Variants in SUPT3H observed in about 807,000 individuals in gnomAD.
SUPT3H encodes the protein SPT3 homolog, SAGA and STAGA complex component.
In SUPT3H, 44 loss-of-function variants were observed where a neutral mutation model predicts 44.3. The ratio of observed to expected loss-of-function variants is 0.99; its 90% CI spans 0.78 to 1.28. The LOEUF (loss-of-function observed/expected upper bound fraction) is 1.28, where lower values mean the gene tolerates loss of function less well. Ranked by LOEUF, SUPT3H falls within the 50% of genes most tolerant of loss-of-function variation. The pLI is 0.00. For synonymous variants in SUPT3H, 124 were observed against 125.6 expected (o/e 0.99, Z 0.09); for missense variants, 380 against 387.1 (o/e 0.98, Z 0.15).
At chr6:45,131,839 G>A (rs553370282) in intron 2 of SUPT3H, among the ~76,000 whole-genome samples, 44 of 152,262 alleles carry the variant, frequency 2.9e-4, no homozygotes, top group African/African-American at 8.4e-4. Context: ...ATTCAGGCTG[G>A]TTGGAACAAT....
At chr6:45,102,462 C>T (rs1251761165) in intron 3 of SUPT3H, among the ~76,000 whole-genome samples, 6 of 151,994 alleles carry the variant, frequency 3.9e-5, no homozygotes, top group African/African-American at 9.7e-5. Context: ...ACAAAACCAA[C>T]AAAAAGTCTT....
chr6:45,133,817 A>G (rs996613940), intron 2 of SUPT3H, among the ~76,000 whole-genome samples: 3 of 152,186 alleles, frequency 2.0e-5, no homozygotes, highest in African/African-American at 7.2e-5. Flanking sequence ...TAAAGTGGCA[A>G]TATTAGTGGC....
chr6:44,852,823 G>A (rs1773105148), intron 10 of SUPT3H, among the ~76,000 whole-genome samples: 2 of 152,102 alleles, frequency 1.3e-5, no homozygotes, highest in East Asian at 1.9e-4. Flanking sequence ...CATAGTTGTC[G>A]CTGTTCTGTG....
chr6:45,104,077 C>G (rs1798949641), intron 3 of SUPT3H, among the ~76,000 whole-genome samples: 1 of 151,986 alleles, frequency 6.6e-6, no homozygotes, highest in Non-Finnish European at 1.5e-5. Context: ...AAAAAAGTTA[C>G]AAGGCTTCTT....
At position 44,891,345 on chromosome 6, in the gene SUPT3H, G is replaced by A. The variant is rs144982549; in HGVS notation, c.912+41308C>T. The stretch of plus-strand genomic sequence containing the variant: ...ATTCACGGCCACATTATTCACAATA[G>A]CCAATAGATGAAAATAACCCAAGAA... On this transcript the variant is annotated intron_variant, in intron 10 of 10. Transcript: ENST00000371459. Among the ~76,000 whole-genome samples the A allele has an allele frequency of 2.2e-3, 331 of 152,148 alleles. 1 individual carries two copies. The highest frequency in any genetic ancestry group is 7.6e-3 in the African/African-American group (317 of 41,518).
chr6:44,910,566 T>G (rs1766855170), intron 10 of SUPT3H, among the ~76,000 whole-genome samples: 1 of 152,188 alleles, frequency 6.6e-6, no homozygotes, highest in African/African-American at 2.4e-5. Context: ...ATAATATGCC[T>G]TTATCTACCA....
intron 2 of SUPT3H, among the ~76,000 whole-genome samples, chr6:45,145,487 C>T (rs1805902352): frequency 6.6e-6 from 1 of 152,090 alleles, no homozygotes; most frequent in African/African-American, 2.4e-5. Context: ...GAAGCTGGAT[C>T]TTCATCTTTC....
intron 2 of SUPT3H, among the ~76,000 whole-genome samples, chr6:45,155,242 G>A (rs1475341973): frequency 2.6e-5 from 4 of 152,138 alleles, no homozygotes; most frequent in Admixed American, 2.6e-4. Flanking sequence ...GAAGTTCAAA[G>A]CTCTTACCAC....
chr6:44,995,443 A>G (rs1781146653), intron 6 of SUPT3H, among the ~76,000 whole-genome samples: 1 of 152,090 alleles, frequency 6.6e-6, no homozygotes, highest in African/African-American at 2.4e-5. Flanking sequence ...TGCATAAGAA[A>G]CAACTGCTTA....
chr6:45,180,905 AG>A (rs1003318479), intron 2 of SUPT3H, among the ~76,000 whole-genome samples: 3 of 150,826 alleles, frequency 2.0e-5, no homozygotes, highest in African/African-American at 4.9e-5. Flanking sequence ...GCACAGCAAA[AG>A]AAACTACCAT....
At chr6:44,843,420 C>T (rs1771318239) in intron 10 of SUPT3H, among the ~76,000 whole-genome samples, 1 of 152,072 alleles carries the variant, frequency 6.6e-6, no homozygotes, top group Admixed American at 6.6e-5. Context: ...AAACAAAAGG[C>T]ATACAGATTG....
At chr6:45,158,039 A>C (rs1018640308) in intron 2 of SUPT3H, among the ~76,000 whole-genome samples, 18 of 147,702 alleles carry the variant, frequency 1.2e-4, no homozygotes, top group African/African-American at 4.4e-4. Context: ...TTTAAAAAAG[A>C]ATCACATTTA....
chr6:45,257,724 C>A (rs1206989679), intron 2 of SUPT3H, among the ~76,000 whole-genome samples: 1 of 152,080 alleles, frequency 6.6e-6, no homozygotes, highest in Non-Finnish European at 1.5e-5. Context: ...CAAGAGGGAG[C>A]CAAACTCACC....
intron 1 of SUPT3H, among the ~76,000 whole-genome samples, chr6:45,367,073 C>G (rs1795257213): frequency 6.6e-6 from 1 of 152,124 alleles, no homozygotes; most frequent in Admixed American, 6.6e-5. Context: ...AAAAAAGCTA[C>G]TACAAATCAC....
chr6:45,146,565 C>T (rs1806105331), intron 2 of SUPT3H, among the ~76,000 whole-genome samples: 1 of 152,112 alleles, frequency 6.6e-6, no homozygotes, highest in Non-Finnish European at 1.5e-5. Context: ...ACCTGTTCCC[C>T]ACAAACTATT....
intron 2 of SUPT3H, among the ~76,000 whole-genome samples, chr6:45,229,162 T>G (rs1360111397): frequency 6.6e-6 from 1 of 152,168 alleles, no homozygotes; most frequent in Non-Finnish European, 1.5e-5. Flanking sequence ...ACTGAGTTAT[T>G]TGAAATATTA....
At chr6:44,948,610 C>T (rs867406136) in intron 9 of SUPT3H, among the ~76,000 whole-genome samples, 1 of 152,192 alleles carries the variant, frequency 6.6e-6, no homozygotes, top group Non-Finnish European at 1.5e-5. Context: ...CAAAAGAAGA[C>T]ATTTATGCAG....
At chr6:45,174,965 C>G (rs1811452542) in intron 2 of SUPT3H, among the ~76,000 whole-genome samples, 2 of 139,824 alleles carry the variant, frequency 1.4e-5, no homozygotes, top group Non-Finnish European at 3.0e-5. Flanking sequence ...ATCACTTGAG[C>G]CCAGGAGTTA....
chr6:45,025,971 T>C (rs1225104987), intron 3 of SUPT3H, among the ~76,000 whole-genome samples: 1 of 152,218 alleles, frequency 6.6e-6, no homozygotes, highest in Non-Finnish European at 1.5e-5. Context: ...AGACTTCCAT[T>C]GCAGCTCTTT....
Sources: allele counts gnomAD v4.1 joint callset (sites outside exome capture counted in the v4.1 genomes callset), GRCh38; gene constraint gnomAD v4.1.1; transcripts MANE v1.5; gene names NCBI Gene and HGNC (gene_info 2026-07-23, HGNC 2026-07-21).